TXNRD1: variants seen among roughly 807,000 people sequenced by gnomAD.
TXNRD1 encodes the protein thioredoxin reductase 1, also known as thioredoxin reductase 1, cytoplasmic.
A neutral mutation model predicts 80.3 loss-of-function variants in TXNRD1; 57 were observed. That is an observed-to-expected ratio of 0.71 (90% CI 0.57 to 0.89). The LOEUF is 0.89. TXNRD1 is among the 40% of genes least tolerant of loss of function. The pLI, the probability that TXNRD1 is intolerant of heterozygous loss-of-function variation, is 0.00. For synonymous variants in TXNRD1, 291 were observed against 285.2 expected (o/e 1.02, Z -0.20); for missense variants, 730 against 803.0 (o/e 0.91, Z 1.10).
chr12:104,253,252 C>T (rs866053912), intron 2 of TXNRD1, among the ~76,000 whole-genome samples: 1 of 152,086 alleles, frequency 6.6e-6, no homozygotes, highest in Non-Finnish European at 1.5e-5. Context: ...CACTGAGGTA[C>T]GGAGACCCTT....
rs188284169 is a variant in TXNRD1 at position 104,320,921 on chromosome 12, G to T, written c.990-170G>T. Among the ~76,000 whole-genome samples, 17 of 152,268 alleles carry T rather than the reference G, an allele frequency of 1.1e-4. No homozygotes were observed. The East Asian group carries it at 3.1e-3, about 28-fold the overall frequency. On this transcript the variant is annotated intron_variant, in intron 9 of 16. Coordinates refer to ENST00000525566, the MANE Select transcript of TXNRD1 (RefSeq NM_001093771.3). ...CAAAGCAACTGAGTGGCAAGAAAGG[G>T]TATCTAAGAATTATAAAAACTTCTC...
intron 3 of TXNRD1, among the ~76,000 whole-genome samples, chr12:104,266,887 G>T (rs1033816407): frequency 6.6e-6 from 1 of 152,150 alleles, no homozygotes; most frequent in African/African-American, 2.4e-5. Flanking sequence ...GTGTGAACCC[G>T]GGAGGCGGAG....
intron 3 of TXNRD1, chr12:104,265,229 T>C (rs1185404625): frequency 3.9e-6 from 5 of 1,287,072 alleles, no homozygotes; most frequent in Non-Finnish European, 5.4e-6. Flanking sequence ...TCCAGCCTGG[T>C]GACAGAGTGA....
rs748306730 is a variant in TXNRD1, at chr12:104,289,055, C to G, written c.414+15C>G. On this transcript the variant is annotated intron_variant, in intron 4 of 16. Transcript: ENST00000525566. ...CAACCTTGAAGGTAGGAGAGAGTAA[C>G]GTATCTTTTTAAACGGGGGATGAGC... 41 of 1,606,464 alleles carry G rather than the reference C, an allele frequency of 2.6e-5. No individual in the cohort carries two copies. The highest frequency in any genetic ancestry group is 3.0e-5 in the Non-Finnish European group (35 of 1,174,352).
At chr12:104,327,736 G>A in intron 13 of TXNRD1, 65 bp downstream of exon 13, 3 of 1,532,338 alleles carry the variant, frequency 2.0e-6, no homozygotes, top group Non-Finnish European at 2.7e-6. Context: ...CCTTATTTAG[G>A]GGGCAGTTGG....
chr12:104,249,955 AG>A (rs1431490552), intron 1 of TXNRD1, among the ~76,000 whole-genome samples: 8 of 150,378 alleles, frequency 5.3e-5, no homozygotes, highest in Non-Finnish European at 1.0e-4. Flanking sequence ...AAAAAAAAAA[AG>A]TGAAAGCTTA....
At chr12:104,216,062 C>T (rs2032200460) in intron 1 of TXNRD1, among the ~76,000 whole-genome samples, 169 bp downstream of exon 1, 1 of 152,218 alleles carries the variant, frequency 6.6e-6, no homozygotes, top group East Asian at 1.9e-4. Flanking sequence ...CCCAGGTCAC[C>T]CCGGGAGACG....
intron 3 of TXNRD1, chr12:104,286,830 G>A: frequency 9.5e-7 from 1 of 1,057,828 alleles, no homozygotes; most frequent in Non-Finnish European, 1.1e-6. Context: ...GTTGGGGGCG[G>A]CTATGAGCAG....
At chr12:104,268,808 C>T (rs187207640) in intron 3 of TXNRD1, among the ~76,000 whole-genome samples, 10 of 151,510 alleles carry the variant, frequency 6.6e-5, no homozygotes, top group South Asian at 2.1e-4. Context: ...TGAGCCACCG[C>T]ACCTGGCGTA....
chr12:104,322,344 T>A (rs1005048423), intron 10 of TXNRD1, among the ~76,000 whole-genome samples: 13 of 151,784 alleles, frequency 8.6e-5, no homozygotes, highest in African/African-American at 3.1e-4. Flanking sequence ...CTGTCAGTGC[T>A]TGATTACTGT....
chr12:104,277,856 G>C (rs1211868678), intron 3 of TXNRD1, among the ~76,000 whole-genome samples: 1 of 150,414 alleles, frequency 6.6e-6, no homozygotes, highest in Non-Finnish European at 1.5e-5. Context: ...ACACTTACCT[G>C]GTTTGTGACC....
At chr12:104,297,285 A>G (rs1778214628) in intron 4 of TXNRD1, among the ~76,000 whole-genome samples, 1 of 150,632 alleles carries the variant, frequency 6.6e-6, no homozygotes, top group African/African-American at 2.4e-5. Flanking sequence ...AGCCTGGGCA[A>G]CAAGAGTGAA....
In TXNRD1 at chr12:104,348,435, T is replaced by A; in HGVS notation, c.*14T>A. The A allele has an allele frequency of 6.2e-7, 1 of 1,613,774 alleles. No homozygotes were observed. The highest frequency in any genetic ancestry group is 1.1e-5 in the South Asian group (1 of 91,078). ...TGCTGAGGTTAAGCCCCAGTGTGGATGCTGTTGCCAAGACTGCAAACCACT... is the reference window on the plus strand; with the variant it reads ...TGCTGAGGTTAAGCCCCAGTGTGGAAGCTGTTGCCAAGACTGCAAACCACT... On this transcript the variant is annotated 3_prime_UTR_variant, in exon 17 of 17. Transcript: ENST00000525566.
intron 1 of TXNRD1, among the ~76,000 whole-genome samples, chr12:104,223,959 G>C (rs2032412790): frequency 6.6e-6 from 1 of 152,204 alleles, no homozygotes; most frequent in Non-Finnish European, 1.5e-5. Context: ...GATTGCAAAG[G>C]AAATATATGT....
intron 7 of TXNRD1, 133 bp from the exon 8 acceptor site, chr12:104,318,778 CAA>C (rs1299162465): frequency 2.5e-6 from 2 of 790,014 alleles, no homozygotes; most frequent in African/African-American, 1.7e-5. Flanking sequence ...CATATGTGCT[CAA>C]AATGGAGGAT....
chr12:104,268,917 C>CTTTTTTTTTTTTTTT (rs34134230), intron 3 of TXNRD1, among the ~76,000 whole-genome samples: 1 of 127,820 alleles, frequency 7.8e-6, no homozygotes, highest in Non-Finnish European at 1.6e-5. Flanking sequence ...GTTGTCATTT[C>CTTTTTTTTTTTTTTT]TTTTTTTTTT....
At chr12:104,249,484 GT>G in intron 1 of TXNRD1, among the ~76,000 whole-genome samples, 1 of 148,024 alleles carries the variant, frequency 6.8e-6, no homozygotes, top group Middle Eastern at 3.6e-3. Context: ...TGATTGTCTG[GT>G]ATATAATGAA....
chr12:104,289,133 A>T, intron 4 of TXNRD1, 93 bp downstream of exon 4: 1 of 1,418,930 alleles, frequency 7.0e-7, no homozygotes, highest in Non-Finnish European at 9.5e-7. Flanking sequence ...CGTGGATGTG[A>T]CCCTCCAAAC....
chr12:104,338,155 G>T lies in TXNRD1; in HGVS notation c.1747-984G>T, dbSNP rs1418175449. On this transcript the variant is annotated intron_variant, in intron 15 of 16. Coordinates refer to ENST00000525566, the MANE Select transcript of TXNRD1 (RefSeq NM_001093771.3). The stretch of plus-strand genomic sequence containing the variant: ...CCAGCTATTACAGATAGCCTCTGTG[G>T]AGCTGAGATGATCAAATACAGGACG... 2.6e-5 allele frequency among the ~76,000 whole-genome samples: 4 copies of T among 151,676 alleles called. No homozygotes were observed. The East Asian group carries it at 7.7e-4, about 29-fold the overall frequency.
Sources: gnomAD v4.1 joint callset for allele counts (sites outside exome capture counted in the v4.1 genomes callset) on GRCh38, gnomAD v4.1.1 for gene constraint, MANE v1.5 for transcripts, NCBI Gene and HGNC (gene_info 2026-07-23, HGNC 2026-07-21) for gene names.